NTM: variants seen among roughly 807,000 people sequenced by gnomAD.
NTM encodes IgLON family member 2.
Under a neutral mutation model 42.1 loss-of-function variants are expected in NTM, and 13 were observed. That is an observed-to-expected ratio of 0.31 (90% CI 0.20 to 0.49). The LOEUF is 0.49. Ranked by LOEUF, NTM falls within the 20% of genes least tolerant of loss-of-function variation. NTM has a pLI of 0.99. For missense variants in NTM, 373 were observed against 452.8 expected, an observed-to-expected ratio of 0.82 and a Z score of 1.60; for synonymous variants, 187 against 179.2, an observed-to-expected ratio of 1.04 and a Z score of -0.35.
chr11:131,885,709 T>C (rs990511001), intron 1 of NTM, among the ~76,000 whole-genome samples: 2 of 152,168 alleles, frequency 1.3e-5, no homozygotes. Flanking sequence ...GAGCTTTTTG[T>C]ACTGAGGCCG....
chr11:132,163,293 C>G (rs144198246), intron 3 of NTM, among the ~76,000 whole-genome samples: 2 of 152,192 alleles, frequency 1.3e-5, no homozygotes, highest in Non-Finnish European at 1.5e-5. Flanking sequence ...CACAATGACT[C>G]GGGTGCCCCT....
At position 131,801,386 on chromosome 11, in the gene NTM, A is replaced by C. The variant is rs2092094490; in HGVS notation, c.83-110178A>C. Among the ~76,000 whole-genome samples the C allele has an allele frequency of 3.3e-5, 5 of 152,246 alleles. No individual in the cohort carries two copies. The South Asian group carries it at 1.0e-3, about 32-fold the overall frequency. On this transcript the variant is annotated intron_variant, in intron 1 of 8. Coordinates refer to ENST00000683400, the MANE Select transcript of NTM (RefSeq NM_001352005.2). ...TGAGCGAGGGAGAAGGCCAGTAGCC[A>C]GTCCTGGGGCCCACTCATTCACTCC...
chr11:131,664,779 T>C (rs1467773085), intron 1 of NTM, among the ~76,000 whole-genome samples: 2 of 135,236 alleles, frequency 1.5e-5, no homozygotes, highest in Non-Finnish European at 3.2e-5. Flanking sequence ...TTTTTTTTTT[T>C]AGATTTTAAT....
At chr11:131,766,158 T>C (rs2085063765) in intron 1 of NTM, among the ~76,000 whole-genome samples, 1 of 152,210 alleles carries the variant, frequency 6.6e-6, no homozygotes, top group East Asian at 1.9e-4. Flanking sequence ...CTGTTTCTCT[T>C]TCCTCACTTA....
At chr11:131,684,307 G>T (rs1396256097) in intron 1 of NTM, among the ~76,000 whole-genome samples, 1 of 152,134 alleles carries the variant, frequency 6.6e-6, no homozygotes, top group African/African-American at 2.4e-5. Context: ...CTCCTGGCTG[G>T]GTGGCAAGTG....
At chr11:132,176,570 A>G (rs1281907330) in intron 3 of NTM, among the ~76,000 whole-genome samples, 1 of 151,920 alleles carries the variant, frequency 6.6e-6, no homozygotes, top group East Asian at 1.9e-4. Flanking sequence ...TTGAGGGACT[A>G]TTTTCTGTAC....
intron 2 of NTM, among the ~76,000 whole-genome samples, chr11:132,000,059 G>A (rs1410682404): frequency 6.6e-6 from 1 of 151,960 alleles, no homozygotes; most frequent in East Asian, 1.9e-4. Context: ...CTGAACCAAA[G>A]CAACTCTTGG....
At chr11:131,537,457 C>T (rs558868793) in intron 1 of NTM, 4 of 152,274 alleles carry the variant, frequency 2.6e-5, no homozygotes, top group South Asian at 2.1e-4. Context: ...CTGACAGAGC[C>T]GCTAAACAAC....
At chr11:132,089,569 G>T (rs1418269739) in intron 2 of NTM, among the ~76,000 whole-genome samples, 2 of 152,166 alleles carry the variant, frequency 1.3e-5, no homozygotes, top group Non-Finnish European at 2.9e-5. Context: ...ACACAAAAAA[G>T]ATGAATTTTT....
At chr11:131,572,980 C>T (rs764462034) in intron 1 of NTM, among the ~76,000 whole-genome samples, 6 of 152,168 alleles carry the variant, frequency 3.9e-5, no homozygotes, top group Non-Finnish European at 7.4e-5. Flanking sequence ...CCTCCAGAGC[C>T]AGCATAAGGG....
chr11:131,913,242 A>G (rs1399972362), intron 2 of NTM, among the ~76,000 whole-genome samples: 2 of 152,212 alleles, frequency 1.3e-5, no homozygotes, highest in African/African-American at 4.8e-5. Context: ...TGTTCTCTGG[A>G]TGCCCTCTTT....
intron 1 of NTM, among the ~76,000 whole-genome samples, chr11:131,375,187 T>TGCGGGCCTATCTCCCCACCTG (rs1941792259): frequency 6.6e-6 from 1 of 152,076 alleles, no homozygotes; most frequent in South Asian, 2.1e-4. Flanking sequence ...TCTCTCCCTC[T>TGCGGGCCTATCTCCCCACCTG]GCGGGCCTAT....
chr11:131,667,858 C>T (rs1027477094), intron 1 of NTM, among the ~76,000 whole-genome samples: 2 of 152,184 alleles, frequency 1.3e-5, no homozygotes, highest in Non-Finnish European at 2.9e-5. Flanking sequence ...CTCTGTGCTA[C>T]CAGGATTGGG....
rs373987056 is a variant in NTM at position 131,794,470 on chromosome 11, C to A, written c.83-117094C>A. On this transcript the variant is annotated intron_variant, in intron 1 of 8. Coordinates refer to ENST00000683400, the MANE Select transcript of NTM (RefSeq NM_001352005.2). ...ACATGAGGCGTTTGCCTTTCCTCCCCACCCGCCGTTTACTACTTTGTTCCT... is the reference window on the plus strand; with the variant it reads ...ACATGAGGCGTTTGCCTTTCCTCCCAACCCGCCGTTTACTACTTTGTTCCT... 3.8e-4 allele frequency: 379 copies of A among 985,184 alleles called. 2 individuals are homozygous for A. In the African/African-American group the frequency reaches 6.3e-3, roughly 16 times the overall value. The allele number at this position is 985,184 out of a possible 1,614,324, so 61.0% of individuals were successfully genotyped here.
At chr11:131,659,926 C>T (rs1399343414) in intron 1 of NTM, among the ~76,000 whole-genome samples, 2 of 152,190 alleles carry the variant, frequency 1.3e-5, no homozygotes, top group Non-Finnish European at 2.9e-5. Flanking sequence ...GTTATTCAGG[C>T]ATAAGAAGAA....
Position 132,146,168 on chromosome 11 carries a change from T to C in NTM, c.168-114T>C. The stretch of plus-strand genomic sequence containing the variant: ...CCCCTGACAAATCAAAGGAAATGTA[T>C]GTGTTGGGGGAAGGGAGAAAGACAA... On this transcript the variant is annotated intron_variant, in intron 2 of 8. Transcript: ENST00000683400. This position sits in a 1 kb window ranked among gnomAD's most constrained non-coding sequence, Gnocchi z 4.5. 1.4e-6 allele frequency: 2 copies of C among 1,449,320 alleles called. No individual in the cohort carries two copies. Among genetic ancestry groups the C allele is most frequent in the South Asian group, 1.4e-5 (1 of 71,418 alleles). The allele number at this position is 1,449,320 out of a possible 1,614,324, so 89.8% of individuals were successfully genotyped here.
intron 2 of NTM, among the ~76,000 whole-genome samples, chr11:131,929,310 T>C (rs1261766712): frequency 1.3e-5 from 2 of 148,238 alleles, no homozygotes; most frequent in Non-Finnish European, 3.0e-5. Context: ...GGATCATCCT[T>C]GGCCTGAACC....
chr11:132,313,331 A>G (rs779030359), intron 6 of NTM, among the ~76,000 whole-genome samples: 1 of 151,752 alleles, frequency 6.6e-6, no homozygotes, highest in Non-Finnish European at 1.5e-5. Context: ...CATTTGCCCC[A>G]AAGCATGTCC....
chr11:132,257,496 G>T (rs577617598), intron 4 of NTM, among the ~76,000 whole-genome samples: 19 of 152,174 alleles, frequency 1.2e-4, no homozygotes, highest in African/African-American at 2.7e-4. Flanking sequence ...AAGCTGGAGC[G>T]GGGAGGGACA....
Sources: allele counts gnomAD v4.1 joint callset (sites outside exome capture counted in the v4.1 genomes callset), GRCh38; gene constraint gnomAD v4.1.1; non-coding constraint Gnocchi (gnomAD v3.1); transcripts MANE v1.5; gene names NCBI Gene and HGNC (gene_info 2026-07-23, HGNC 2026-07-21).